UTS2: variants seen among roughly 807,000 people sequenced by gnomAD.
UTS2 encodes urotensin-2.
UTS2 carries 10 observed loss-of-function variants against 12.6 expected under a neutral mutation model. The ratio of observed to expected loss-of-function variants is 0.80; its 90% CI spans 0.49 to 1.35. The LOEUF is 1.35. Ranked by LOEUF, UTS2 falls within the 40% of genes most tolerant of loss-of-function variation. UTS2 has a pLI of 0.00. For synonymous variants in UTS2, 52 were observed against 50.0 expected, an observed-to-expected ratio of 1.04 and a Z score of -0.17; for missense variants, 142 against 143.2, an observed-to-expected ratio of 0.99 and a Z score of 0.04.
chr1:7,903,130 C>CCTTTTTTTAATTATTAATTAATTTAT, the UTS2 span, among the ~76,000 whole-genome samples: 1 of 33,616 alleles, frequency 3.0e-5, no homozygotes, highest in African/African-American at 1.2e-4. Context: ...TCCCCTCCTT[C>CCTTTTTTTAATTATTAATTAATTTAT]TCCTGCTTCC....
chr1:7,852,511 C>G (rs1048469885), intron 1 of UTS2, among the ~76,000 whole-genome samples: 4 of 147,360 alleles, frequency 2.7e-5, no homozygotes, highest in African/African-American at 1.0e-4. Flanking sequence ...ACAAATAAAT[C>G]CATTAATAAT....
chr1:7,897,689 C>G, the UTS2 span, among the ~76,000 whole-genome samples: 1 of 152,222 alleles, frequency 6.6e-6, no homozygotes, highest in East Asian at 1.9e-4. Flanking sequence ...CAGGTTCAAG[C>G]AATTCTCTTG....
chr1:7,877,402 TATC>T, the UTS2 span, among the ~76,000 whole-genome samples: 3 of 152,026 alleles, frequency 2.0e-5, no homozygotes, highest in Non-Finnish European at 2.9e-5. Context: ...ACAAAATAGA[TATC>T]ATAAAAAAGA....
In UTS2 at chr1:7,850,916, T is replaced by G. The variant is rs1277620111; in HGVS notation, c.110A>C (p.His37Pro). The G allele has an allele frequency of 5.0e-6, 8 of 1,614,074 alleles. No individual in the cohort carries two copies. In the East Asian group the frequency reaches 6.7e-5, roughly 13 times the overall value. ...REISFQLSAP[H>P]EDARLTPEEL... ...CTCCGGAGTTAAGCGCGCGTCTTCA[T>G]GAGGTGCTACAGAGTAAAAACAGAT... The change falls in exon 2 of 4, where the codon CAT (histidine) becomes CCT (proline). Residue 37 changes from histidine to proline, a missense_variant. Coordinates refer to ENST00000361696, the MANE Select transcript of UTS2 (RefSeq NM_006786.4).
the UTS2 span, among the ~76,000 whole-genome samples, chr1:7,904,413 G>C: frequency 6.6e-6 from 1 of 151,820 alleles, no homozygotes; most frequent in African/African-American, 2.4e-5. Flanking sequence ...GGAGGTTGAG[G>C]CTGCAATAAG....
the UTS2 span, among the ~76,000 whole-genome samples, chr1:7,862,355 C>T: frequency 6.6e-6 from 1 of 152,078 alleles, no homozygotes; most frequent in Non-Finnish European, 1.5e-5. Context: ...GGTCCATTTA[C>T]TGTTGCTGTA....
the UTS2 span, among the ~76,000 whole-genome samples, chr1:7,907,186 G>C: frequency 6.6e-6 from 1 of 152,216 alleles, no homozygotes; most frequent in East Asian, 1.9e-4. Flanking sequence ...AACCTGGGAG[G>C]TGGAGACTGC....
At chr1:7,886,411 A>G in the UTS2 span, among the ~76,000 whole-genome samples, 1 of 152,222 alleles carries the variant, frequency 6.6e-6, no homozygotes. Context: ...TAAGTAACCC[A>G]CATCTGTAAC....
At chr1:7,857,497 T>C (rs228636), upstream of UTS2, among the ~76,000 whole-genome samples, 63,436 of 151,464 alleles carry the variant, frequency 0.42, 13,619 homozygotes, top group Middle Eastern at 0.51. Context: ...AAGATGAGCT[T>C]GTGGGCAAGC....
the UTS2 span, among the ~76,000 whole-genome samples, chr1:7,911,811 G>A: frequency 6.6e-6 from 1 of 151,178 alleles, no homozygotes; most frequent in Non-Finnish European, 1.5e-5. Context: ...TGAGGCAGGA[G>A]AATCGCTTGA....
chr1:7,863,966 G>T, the UTS2 span, among the ~76,000 whole-genome samples: 1 of 152,344 alleles, frequency 6.6e-6, no homozygotes, highest in East Asian at 1.9e-4. Flanking sequence ...CATCCCCCGG[G>T]GGGGTCTGCC....
At chr1:7,858,457 T>C (rs1638357605), upstream of UTS2, among the ~76,000 whole-genome samples, 1 of 152,218 alleles carries the variant, frequency 6.6e-6, no homozygotes, top group South Asian at 2.1e-4. Flanking sequence ...AGCACTCCCA[T>C]CCACTGGATA....
chr1:7,849,569 A>T, intron 3 of UTS2, 71 bp downstream of exon 3: 1 of 1,381,328 alleles, frequency 7.2e-7, no homozygotes, highest in Non-Finnish European at 1.0e-6. Context: ...TAGTTCATGA[A>T]TTCAGAGTCC....
chr1:7,874,457 C>T, the UTS2 span, among the ~76,000 whole-genome samples: 394 of 152,298 alleles, frequency 2.6e-3, 3 homozygotes, highest in African/African-American at 8.9e-3. Context: ...GCTGACATTC[C>T]GCCATGTCCA....
chr1:7,889,442 CAAAAAAAAAAA>C, the UTS2 span, among the ~76,000 whole-genome samples: 4 of 85,402 alleles, frequency 4.7e-5, no homozygotes, highest in Admixed American at 4.4e-4. Context: ...ATCTTATCAC[CAAAAAAAAAAA>C]AAAAAAAAAA....
the UTS2 span, among the ~76,000 whole-genome samples, chr1:7,863,043 G>A: frequency 3.5e-5 from 1 of 28,890 alleles, no homozygotes; most frequent in South Asian, 1.4e-3. Flanking sequence ...GTATTGTATT[G>A]TATTGTATTG....
intron 2 of UTS2, among the ~76,000 whole-genome samples, chr1:7,850,546 A>C (rs2097412924): frequency 6.6e-6 from 1 of 152,176 alleles, no homozygotes; most frequent in East Asian, 1.9e-4. Context: ...GGAAACTGGA[A>C]TAATTACCAC....
In UTS2 at chr1:7,847,772, A is replaced by G. The variant is rs752465397; in HGVS notation, c.369T>C (p.Cys123=). ...RETPDCFWKY[C]V ...AACAGATGCTTATTTCACTTCAGAC[A>G]CAGTATTTCCAGAAGCAATCAGGAG... The change falls in exon 4 of 4, where the codon TGT becomes TGC. Residue 123 remains cysteine (C), a synonymous_variant. Transcript: ENST00000361696. The G allele has an allele frequency of 1.7e-5, 27 of 1,610,158 alleles. No homozygotes were observed. The highest frequency in any genetic ancestry group is 1.6e-4 in the Middle Eastern group (1 of 6,080).
At chr1:7,857,100 A>AAAGGAAGGAAAGGAAGG (rs754358229), upstream of UTS2, among the ~76,000 whole-genome samples, 1 of 64,232 alleles carries the variant, frequency 1.6e-5, no homozygotes, top group Non-Finnish European at 2.8e-5. Context: ...GGAAGGAAGA[A>AAAGGAAGGAAAGGAAGG]AAGGAATGAA....
Sources: gnomAD v4.1 joint callset for allele counts (sites outside exome capture counted in the v4.1 genomes callset) on GRCh38, gnomAD v4.1.1 for gene constraint, MANE v1.5 for transcripts, NCBI Gene and HGNC (gene_info 2026-07-23, HGNC 2026-07-21) for gene names.